Variants in UVSSA observed in about 807,000 individuals in gnomAD.
UVSSA encodes UV stimulated scaffold protein A.
In UVSSA, 72 loss-of-function variants were observed where a neutral mutation model predicts 73.9. The ratio of observed to expected loss-of-function variants is 0.97; its 90% confidence interval spans 0.81 to 1.19. UVSSA has a LOEUF of 1.19. UVSSA is among the 50% of genes most tolerant of loss of function. The probability of loss-of-function intolerance (pLI) is 0.00; values close to 1 mark genes in which losing one functional copy is unlikely to be tolerated. For missense variants in UVSSA, 1,150 were observed against 965.0 expected, an observed-to-expected ratio of 1.19 and a Z score of -2.54; for synonymous variants, 454 against 391.3, an observed-to-expected ratio of 1.16 and a Z score of -1.89.
chr4:1,383,972 C>A, intron 13 of UVSSA, 32 bp downstream of exon 13: 1 of 1,591,320 alleles, frequency 6.3e-7, no homozygotes, highest in Non-Finnish European at 8.5e-7. Flanking sequence ...CCTCCCACCG[C>A]GTGGCCCCCC....
At chr4:1,354,652 C>T in intron 5 of UVSSA, 83 bp from the exon 6 acceptor site, 2 of 1,304,084 alleles carry the variant, frequency 1.5e-6, no homozygotes, top group Non-Finnish European at 2.2e-6. Context: ...CTAGAGCAGC[C>T]TTCCTTGCAT....
At position 1,354,761 on chromosome 4, in the gene UVSSA, G is replaced by C; in HGVS notation, c.961G>C (p.Asp321His). ...SEGLKVQENE[D>H]NLALIHAARD... ...GGGCCTGAAGGTGCAGGAGAACGAG[G>C]ACAACCTTGCTCTCATCCACGCCGC... Residue 321 changes from aspartate (D) to histidine (H), a missense_variant, in exon 6 of 14, where the codon GAC becomes CAC. Coordinates refer to ENST00000389851, the MANE Select transcript of UVSSA (RefSeq NM_020894.4). 1 of 1,613,600 alleles carries C rather than the reference G, an allele frequency of 6.2e-7. No individual in the cohort carries two copies. Among genetic ancestry groups the C allele is most frequent in the Non-Finnish European group, 8.5e-7 (1 of 1,179,946 alleles).
Position 1,349,677 on chromosome 4 carries a change from G to A in UVSSA, c.252G>A (p.Gln84=), listed in dbSNP as rs746056334. The A allele has an allele frequency of 6.2e-6, 10 of 1,614,010 alleles. No individual in the cohort carries two copies. Among genetic ancestry groups the A allele is most frequent in the Non-Finnish European group, 3.4e-6 (4 of 1,179,996 alleles). The change falls in exon 3 of 14, where the codon CAG becomes CAA. Residue 84 remains glutamine (Q), a synonymous_variant. Transcript: ENST00000389851. ...GGATGCTGGTTGTTTCCAACTTCCA[G>A]GAGTTCCTGGAGCTCACGCTGGGCA... The part of the protein sequence containing the change: ...QFRMLVVSNF[Q]EFLELTLGTD...
chr4:1,349,535 A>T lies in UVSSA; in HGVS notation c.110A>T (p.Glu37Val). ...GCTCGCATCCCCAGGTCTTCAGAGG[A>T]GCAGCTGAGCCGCGCCTACCGCCTG... ...ELKKICKSSE[E>V]QLSRAYRLLI... The change falls in exon 3 of 14, where the codon GAG (glutamate) becomes GTG (valine). Residue 37 changes from glutamate to valine, a missense_variant. Glu to Val is a moderately radical substitution (Grantham distance 121). Coordinates refer to ENST00000389851, the MANE Select transcript of UVSSA (RefSeq NM_020894.4). 6.2e-7 allele frequency: 1 copy of T among 1,612,692 alleles called. No individual in the cohort carries two copies. The highest frequency in any genetic ancestry group is 8.5e-7 in the Non-Finnish European group (1 of 1,179,430).
chr4:1,372,175 T>C (rs1392634661), intron 8 of UVSSA, among the ~76,000 whole-genome samples: 2 of 152,216 alleles, frequency 1.3e-5, no homozygotes, highest in Non-Finnish European at 2.9e-5. Context: ...CGTCCCTTTA[T>C]TTTCAACTTT....
At chr4:1,373,664 A>G (rs1307894676) in intron 8 of UVSSA, among the ~76,000 whole-genome samples, 12 of 152,096 alleles carry the variant, frequency 7.9e-5, no homozygotes, top group Admixed American at 7.9e-4. Flanking sequence ...AATGTGGCTC[A>G]TTGTTTCTTC....
downstream of UVSSA, chr4:1,392,872 C>G (rs1482509105): frequency 6.6e-6 from 1 of 152,228 alleles, no homozygotes; most frequent in Non-Finnish European, 1.5e-5. Flanking sequence ...TCATGTTCAG[C>G]CAGTGACTGG....
downstream of UVSSA, chr4:1,389,581 G>C (rs1413944355): frequency 6.6e-6 from 1 of 152,244 alleles, no homozygotes; most frequent in African/African-American, 2.4e-5. Flanking sequence ...GTCTCACTAT[G>C]TTGGCTAGGC....
chr4:1,342,147 G>C (rs972220014), upstream of UVSSA, among the ~76,000 whole-genome samples: 1 of 152,200 alleles, frequency 6.6e-6, no homozygotes, highest in African/African-American at 2.4e-5. Context: ...CTGAGTCATG[G>C]TGTGTTTATG....
rs377140234 is a variant in UVSSA, at chr4:1,349,836, C to G, written c.411C>G (p.Phe137Leu). ...AYKKLALGYH[F>L]LRHNKKVDFQ... ...AGAAGCTTGCCTTGGGCTACCACTT[C>G]TTAAGACACAACAAAAAGGTAGGTG... The change falls in exon 3 of 14, where the codon TTC (phenylalanine) becomes TTG (leucine). Residue 137 changes from phenylalanine to leucine, a missense_variant. By Grantham distance (22) the Phe-to-Leu change is conservative. Coordinates refer to ENST00000389851, the MANE Select transcript of UVSSA (RefSeq NM_020894.4). The G allele has an allele frequency of 2.5e-5, 39 of 1,555,714 alleles. No homozygotes were observed. Among genetic ancestry groups the G allele is most frequent in the Non-Finnish European group, 3.2e-5 (37 of 1,151,580 alleles).
At chr4:1,384,899 C>G (rs1486209242) in intron 13 of UVSSA, 1 of 152,352 alleles carries the variant, frequency 6.6e-6, no homozygotes, top group Non-Finnish European at 1.5e-5. Context: ...CACAGCCTTG[C>G]TTGGGTGGGG....
chr4:1,395,757 G>T, exon 14 of UVSSA: 3 of 1,614,202 alleles, frequency 1.9e-6, no homozygotes, highest in Non-Finnish European at 1.7e-6. Flanking sequence ...GGCCGAGTCA[G>T]ACGCTGTTAC....
chr4:1,346,389 G>C (rs1369386855), upstream of UVSSA, among the ~76,000 whole-genome samples: 1 of 152,180 alleles, frequency 6.6e-6, no homozygotes, highest in Non-Finnish European at 1.5e-5. Flanking sequence ...TCCACACCAC[G>C]CTCCTCCGAA....
chr4:1,375,958 G>C, intron 9 of UVSSA, 76 bp from the exon 10 acceptor site: 1 of 1,541,596 alleles, frequency 6.5e-7, no homozygotes, highest in South Asian at 1.2e-5. Flanking sequence ...CCTTGCTGTG[G>C]GGGTGGGGAG....
At chr4:1,370,931 G>T (rs1382578902) in intron 8 of UVSSA, among the ~76,000 whole-genome samples, 2 of 152,198 alleles carry the variant, frequency 1.3e-5, no homozygotes, top group African/African-American at 4.8e-5. Flanking sequence ...CCTGAGCAAG[G>T]CCCTTTGTCC....
intron 5 of UVSSA, among the ~76,000 whole-genome samples, chr4:1,354,137 C>T (rs1715267445): frequency 1.3e-5 from 2 of 152,274 alleles, no homozygotes; most frequent in Admixed American, 6.5e-5. Context: ...GCTGGGAGAA[C>T]TGATCCTCGG....
chr4:1,394,212 G>A, exon 14 of UVSSA: 1 of 551,304 alleles, frequency 1.8e-6, no homozygotes, highest in Non-Finnish European at 3.2e-6. Context: ...ATGCCTCCAG[G>A]AGTGTGGCAG....
chr4:1,388,298 G>A (rs1033450294), downstream of UVSSA: 2 of 152,188 alleles, frequency 1.3e-5, no homozygotes, highest in Admixed American at 6.5e-5. Context: ...TTGCTAATAT[G>A]TGGAAGTACA....
At chr4:1,355,510 C>G (rs966202587) in intron 7 of UVSSA, among the ~76,000 whole-genome samples, 1 of 152,214 alleles carries the variant, frequency 6.6e-6, no homozygotes, top group Non-Finnish European at 1.5e-5. Flanking sequence ...GTGCTGTGCG[C>G]GCCTCCAGGA....
Sources: gnomAD v4.1 joint callset for allele counts (sites outside exome capture counted in the v4.1 genomes callset) on GRCh38, gnomAD v4.1.1 for gene constraint, MANE v1.5 for transcripts, NCBI Gene and HGNC (gene_info 2026-07-23, HGNC 2026-07-21) for gene names.